The following EVL variants were observed in gnomAD, a reference collection of about 807,000 sequenced individuals.
The protein encoded by EVL is Enah/Vasp-like.
Under a neutral mutation model 59.6 loss-of-function variants are expected in EVL, and 21 were observed. The ratio of observed to expected loss-of-function variants is 0.35; its 90% CI spans 0.25 to 0.51. EVL has a LOEUF of 0.51. EVL is among the 20% of genes least tolerant of loss of function. The pLI is 0.97. For synonymous variants in EVL, 198 were observed against 203.5 expected (o/e 0.97, Z 0.23); for missense variants, 462 against 546.6 (o/e 0.85, Z 1.54).
At chr14:100,135,815 G>T in intron 8 of EVL, 90 bp from the exon 9 acceptor site, 1 of 1,142,490 alleles carries the variant, frequency 8.8e-7, no homozygotes, top group Non-Finnish European at 1.3e-6. Context: ...GGGAACATTT[G>T]GAAAACTGAG....
intron 1 of EVL, among the ~76,000 whole-genome samples, chr14:100,075,542 C>T (rs527290852): frequency 6.6e-6 from 1 of 152,340 alleles, no homozygotes; most frequent in East Asian, 1.9e-4. Context: ...CTACTCACCC[C>T]TTATTAACAC....
intron 2 of EVL, among the ~76,000 whole-genome samples, chr14:100,089,408 A>G (rs958189646): frequency 6.6e-6 from 1 of 152,264 alleles, no homozygotes; most frequent in Non-Finnish European, 1.5e-5. Context: ...GTTAAAAAGG[A>G]TGGAACTCAC....
intron 1 of EVL, among the ~76,000 whole-genome samples, chr14:100,082,142 A>T (rs980205839): frequency 6.6e-6 from 1 of 152,014 alleles, no homozygotes; most frequent in Non-Finnish European, 1.5e-5. Context: ...AAATAAATAA[A>T]AATTTAAAAG....
intron 3 of EVL, among the ~76,000 whole-genome samples, chr14:100,118,848 G>A (rs895179770): frequency 6.6e-6 from 1 of 152,244 alleles, no homozygotes; most frequent in African/African-American, 2.4e-5. Context: ...GTGTTTGGGA[G>A]GAGTGGGTGT....
chr14:100,121,564 G>A (rs950846425), intron 3 of EVL, among the ~76,000 whole-genome samples: 7 of 152,174 alleles, frequency 4.6e-5, no homozygotes, highest in African/African-American at 1.4e-4. Context: ...CTGCTCTGTC[G>A]GGTCTAAAAC....
chr14:100,105,363 C>T (rs1886498363), intron 3 of EVL, among the ~76,000 whole-genome samples: 1 of 152,124 alleles, frequency 6.6e-6, no homozygotes, highest in Admixed American at 6.5e-5. Flanking sequence ...TTCTAGCCTT[C>T]CAGACTGAGA....
At position 100,129,655 on chromosome 14, in the gene EVL, G is replaced by A; in HGVS notation, c.810G>A (p.Met270Ile). The A allele has an allele frequency of 6.3e-7, 1 of 1,595,490 alleles. No homozygotes were observed. The highest frequency in any genetic ancestry group is 8.5e-7 in the Non-Finnish European group (1 of 1,170,140). The change falls in exon 7 of 14, where the codon ATG (methionine) becomes ATA (isoleucine). Residue 270 changes from methionine (M) to isoleucine (I), a missense_variant. Physicochemically the swap from Met to Ile is conservative, Grantham distance 10 (BLOSUM62 1). Transcript: ENST00000392920. ...ASSGGGGGGL[M>I]EEMNKLLAKR... Reference sequence around the variant, plus strand: ...GCGGGGGTGGCGGAGGAGGCCTCATGGAGGAAATGAACAAACTGCTGGCCA... The same window carrying A: ...GCGGGGGTGGCGGAGGAGGCCTCATAGAGGAAATGAACAAACTGCTGGCCA...
chr14:99,974,141 A>C (rs945905512), intron 1 of EVL, among the ~76,000 whole-genome samples: 1 of 152,242 alleles, frequency 6.6e-6, no homozygotes, highest in Non-Finnish European at 1.5e-5. Context: ...TACCCATTTA[A>C]AGCCTATGGT....
At chr14:100,017,429 C>T (rs866312773) in intron 1 of EVL, among the ~76,000 whole-genome samples, 2 of 151,970 alleles carry the variant, frequency 1.3e-5, no homozygotes, top group East Asian at 1.9e-4. Context: ...CAGAGCTGTC[C>T]GGTTAGAGAT....
At chr14:100,040,138 A>G (rs2061445990) in intron 1 of EVL, among the ~76,000 whole-genome samples, 1 of 152,198 alleles carries the variant, frequency 6.6e-6, no homozygotes, top group Non-Finnish European at 1.5e-5. Context: ...TGGCACTTGG[A>G]CAGCCTTAGC....
intron 2 of EVL, among the ~76,000 whole-genome samples, chr14:100,088,485 C>G (rs1046256004): frequency 6.6e-6 from 1 of 152,172 alleles, no homozygotes; most frequent in African/African-American, 2.4e-5. Flanking sequence ...CTACTACACA[C>G]CTAGGCTGTA....
chr14:100,001,630 G>A (rs1340354935), intron 1 of EVL, among the ~76,000 whole-genome samples: 3 of 152,154 alleles, frequency 2.0e-5, no homozygotes, highest in Non-Finnish European at 2.9e-5. Flanking sequence ...AAGCCCAGCC[G>A]TGGATTTGTA....
chr14:100,056,100 G>A (rs888901249), intron 1 of EVL, among the ~76,000 whole-genome samples: 3 of 152,108 alleles, frequency 2.0e-5, no homozygotes, highest in Non-Finnish European at 2.9e-5. Context: ...GTGAGCCACC[G>A]CGCCTGGCCC....
At chr14:99,992,039 T>C (rs2060879087) in intron 1 of EVL, among the ~76,000 whole-genome samples, 1 of 151,960 alleles carries the variant, frequency 6.6e-6, no homozygotes, top group African/African-American at 2.4e-5. Context: ...TTTTTAATTT[T>C]AGAAAATGGC....
intron 1 of EVL, among the ~76,000 whole-genome samples, chr14:99,986,265 C>G (rs2060839398): frequency 7.2e-6 from 1 of 139,124 alleles, no homozygotes; most frequent in Admixed American, 7.7e-5. Context: ...GTACTCCAGC[C>G]TGGGTGACAG....
rs538443362 is a variant in EVL at position 99,988,980 on chromosome 14, A to G, written c.5+16923A>G. 5.3e-5 allele frequency among the ~76,000 whole-genome samples: 8 copies of G among 152,352 alleles called. No individual in the cohort carries two copies. The East Asian group carries it at 1.5e-3, about 29-fold the overall frequency. On this transcript the variant is annotated intron_variant, in intron 1 of 13. Transcript: ENST00000402714. ...TGAGTACAAGATTTCTCTTGCAGAT[A>G]ATCCCAGTATCGCAAGATTGGATTA... is the stretch of plus-strand genomic sequence containing the variant.
chr14:99,978,423 T>C (rs1244146401), intron 1 of EVL, among the ~76,000 whole-genome samples: 1 of 151,604 alleles, frequency 6.6e-6, no homozygotes, highest in African/African-American at 2.4e-5. Context: ...AAGGCATGGA[T>C]GTAGAAATAA....
chr14:100,032,874 G>A (rs1334156350), intron 1 of EVL, among the ~76,000 whole-genome samples: 1 of 152,048 alleles, frequency 6.6e-6, no homozygotes, highest in Non-Finnish European at 1.5e-5. Context: ...ATCTGTCACA[G>A]TTGAGCAGAG....
In EVL at chr14:100,143,660, T is replaced by TGGTCATGGCTGCACC. The variant is rs1566737196; in HGVS notation, c.1220-40_1220-26dup. 36 of 1,565,602 alleles carry TGGTCATGGCTGCACC rather than the reference T, an allele frequency of 2.3e-5. 1 individual carries two copies. The South Asian group carries it at 4.3e-4, about 19-fold the overall frequency. On this transcript the variant is annotated intron_variant, in intron 13 of 13. Coordinates refer to ENST00000392920, the MANE Select transcript of EVL (RefSeq NM_016337.3). ...GCCCTGATGAGGAACCGGGCTGCACTGGTCATGGCTGCACCTGAGCCGCCG... is the reference window on the plus strand; with the variant it reads ...GCCCTGATGAGGAACCGGGCTGCACTGGTCATGGCTGCACCGGTCATGGCTGCACCTGAGCCGCCG...
Sources: gnomAD v4.1 joint callset for allele counts (sites outside exome capture counted in the v4.1 genomes callset) on GRCh38, gnomAD v4.1.1 for gene constraint, MANE v1.5 for transcripts, NCBI Gene and HGNC (gene_info 2026-07-23, HGNC 2026-07-21) for gene names.